The following PAPPA2 variants were observed in gnomAD, a reference collection of about 807,000 sequenced individuals.
PAPPA2 encodes the protein pappalysin-2.
PAPPA2 carries 86 observed loss-of-function variants against 176.4 expected under a neutral mutation model. That is an observed-to-expected ratio of 0.49 (90% confidence interval 0.41 to 0.58). The LOEUF (loss-of-function observed/expected upper bound fraction) is 0.58. Among genes scored for constraint, PAPPA2 ranks in the 20% least tolerant of loss-of-function variants. PAPPA2 has a pLI of 0.00. For missense variants in PAPPA2, 2,073 were observed against 2,256.9 expected (o/e 0.92, Z 1.65); for synonymous variants, 809 against 852.2 (o/e 0.95, Z 0.88).
chr1:176,557,150 A>G lies in PAPPA2; in HGVS notation c.828A>G (p.Pro276=), dbSNP rs371296634. Reference sequence around the variant, plus strand: ...GGCGGGAGCGGCTGCTGCTGCGTCCAGAAGTGCTGGCTGAGATTCCCCGGG... The same window carrying G: ...GGCGGGAGCGGCTGCTGCTGCGTCCGGAAGTGCTGGCTGAGATTCCCCGGG... ...SGRRERLLLR[P]EVLAEIPREA... The change falls in exon 2 of 23, where the codon CCA becomes CCG. Residue 276 remains proline (P), a synonymous_variant. Transcript: ENST00000367662. 1.6e-4 allele frequency: 251 copies of G among 1,613,984 alleles called. No homozygotes were observed. Among genetic ancestry groups the G allele is most frequent in the Non-Finnish European group, 1.8e-4 (209 of 1,180,018 alleles).
At chr1:176,769,898 T>A (rs1306853053) in intron 16 of PAPPA2, 114 bp downstream of exon 16, 1 of 1,154,336 alleles carries the variant, frequency 8.7e-7, no homozygotes, top group Admixed American at 2.7e-5. Flanking sequence ...CTCCACTGTG[T>A]CACCATCTTC....
intron 21 of PAPPA2, among the ~76,000 whole-genome samples, chr1:176,814,313 C>T (rs1666291619): frequency 1.3e-5 from 2 of 152,076 alleles, no homozygotes; most frequent in Admixed American, 1.3e-4. Flanking sequence ...TTTTCTAATC[C>T]TGTGAAGAAT....
intron 3 of PAPPA2, among the ~76,000 whole-genome samples, chr1:176,607,761 C>T (rs1654696845): frequency 6.6e-6 from 1 of 152,170 alleles, no homozygotes; most frequent in South Asian, 2.1e-4. Flanking sequence ...GCCCAGCCAA[C>T]TCTTTCTTTA....
chr1:176,494,340 T>C (rs1647478426), intron 1 of PAPPA2, among the ~76,000 whole-genome samples: 1 of 152,168 alleles, frequency 6.6e-6, no homozygotes, highest in South Asian at 2.1e-4. Context: ...CTGACTGCAA[T>C]GGGAGGCCAC....
intron 3 of PAPPA2, among the ~76,000 whole-genome samples, chr1:176,602,363 G>A (rs575589005): frequency 1.3e-5 from 2 of 152,302 alleles, no homozygotes; most frequent in South Asian, 4.1e-4. Context: ...GGCAGAGAGT[G>A]GAGTCTGCAG....
intron 3 of PAPPA2, among the ~76,000 whole-genome samples, chr1:176,665,397 T>C (rs1281251646): frequency 6.6e-6 from 1 of 152,096 alleles, no homozygotes; most frequent in Non-Finnish European, 1.5e-5. Flanking sequence ...GCCCTATTTC[T>C]CTGGGGAAAA....
rs1667543723 is a variant in PAPPA2 at position 176,843,084 on chromosome 1, A to G, written c.*630A>G. The G allele has an allele frequency of 6.6e-6, 1 of 151,954 alleles. No individual in the cohort carries two copies. Among genetic ancestry groups the G allele is most frequent in the Non-Finnish European group, 1.5e-5 (1 of 68,002 alleles). The allele number at this position is 151,954 out of a possible 1,614,324, so 9.4% of individuals were successfully genotyped here. A position where few individuals can be genotyped will look rare whatever the true frequency, so the allele number is the denominator to read the frequency against. On this transcript the variant is annotated 3_prime_UTR_variant, in exon 23 of 23. Transcript: ENST00000367662. ...TTCCACACATGCTGCTGTGAAGTTC[A>G]CATTCAAGATGAATGTTGAGACTTT...
At chr1:176,692,047 G>A in intron 5 of PAPPA2, 79 bp from the exon 6 acceptor site, 3 of 1,383,348 alleles carry the variant, frequency 2.2e-6, no homozygotes, top group South Asian at 1.3e-5. Flanking sequence ...CCATGAACAA[G>A]ACACAAATTT....
At chr1:176,785,374 G>A (rs1007864636) in intron 17 of PAPPA2, among the ~76,000 whole-genome samples, 8 of 152,152 alleles carry the variant, frequency 5.3e-5, no homozygotes, top group Non-Finnish European at 4.4e-5. Context: ...AAGGCTGTGG[G>A]TGAGGCTTAG....
At chr1:176,464,104 A>G (rs1396478423) in intron 1 of PAPPA2, among the ~76,000 whole-genome samples, 2 of 152,256 alleles carry the variant, frequency 1.3e-5, no homozygotes, top group Non-Finnish European at 2.9e-5. Flanking sequence ...ACTGTGGACT[A>G]TGATCTAACA....
chr1:176,662,114 G>C (rs1658390766), intron 3 of PAPPA2, among the ~76,000 whole-genome samples: 1 of 152,120 alleles, frequency 6.6e-6, no homozygotes, highest in African/African-American at 2.4e-5. Flanking sequence ...CGAATTTAAG[G>C]CTAGAAGAAA....
intron 1 of PAPPA2, among the ~76,000 whole-genome samples, chr1:176,495,167 A>G (rs1647528452): frequency 6.6e-6 from 1 of 152,210 alleles, no homozygotes; most frequent in Admixed American, 6.5e-5. Context: ...ATTGCTAACT[A>G]TATGTCAGGT....
At chr1:176,753,424 A>G (rs543723434) in intron 14 of PAPPA2, among the ~76,000 whole-genome samples, 1 of 152,262 alleles carries the variant, frequency 6.6e-6, no homozygotes, top group Non-Finnish European at 1.5e-5. Flanking sequence ...TTGAAATGCC[A>G]ACTCTTTTCC....
intron 1 of PAPPA2, among the ~76,000 whole-genome samples, chr1:176,496,172 A>G (rs1647608572): frequency 6.6e-6 from 1 of 152,192 alleles, no homozygotes; most frequent in Non-Finnish European, 1.5e-5. Flanking sequence ...TACATGTGCC[A>G]TGTTGGTGTG....
chr1:176,736,082 C>A (rs1245290724), intron 12 of PAPPA2, among the ~76,000 whole-genome samples: 1 of 152,028 alleles, frequency 6.6e-6, no homozygotes, highest in East Asian at 1.9e-4. Flanking sequence ...TCTTATGGGG[C>A]ATCAATGATG....
chr1:176,818,031 G>A (rs1666476922), intron 21 of PAPPA2, among the ~76,000 whole-genome samples: 1 of 152,128 alleles, frequency 6.6e-6, no homozygotes, highest in Non-Finnish European at 1.5e-5. Context: ...AGAATGACTA[G>A]AGAGGCGGAA....
At chr1:176,666,674 G>C (rs538001245) in intron 3 of PAPPA2, among the ~76,000 whole-genome samples, 1 of 151,122 alleles carries the variant, frequency 6.6e-6, no homozygotes, top group East Asian at 2.0e-4. Flanking sequence ...TGATGAATGG[G>C]CTTGATTATA....
chr1:176,726,878 CT>C lies in PAPPA2; in HGVS notation c.3799-12746del, dbSNP rs1178462688. On this transcript the variant is annotated intron_variant, in intron 12 of 22. Transcript: ENST00000367662. ...TGGGTAAAAAAGGAAGTTGAGCAGC[CT>C]TAATGTTAGACTCAGCTGACTCCTT... Among the ~76,000 whole-genome samples, 4 of 152,116 alleles carry C rather than the reference CT, an allele frequency of 2.6e-5. No homozygotes were observed. In the East Asian group the frequency reaches 7.7e-4, roughly 29 times the overall value.
intron 2 of PAPPA2, among the ~76,000 whole-genome samples, chr1:176,593,034 G>C (rs1452220886): frequency 6.6e-6 from 1 of 152,126 alleles, no homozygotes; most frequent in Non-Finnish European, 1.5e-5. Context: ...ACCAAAATCA[G>C]AACACCCCAT....
Sources: allele counts gnomAD v4.1 joint callset (sites outside exome capture counted in the v4.1 genomes callset), GRCh38; gene constraint gnomAD v4.1.1; transcripts MANE v1.5; gene names NCBI Gene and HGNC (gene_info 2026-07-23, HGNC 2026-07-21).